Variants in LPP observed in about 807,000 individuals in gnomAD.
LPP encodes the protein lipoma-preferred partner.
Under a neutral mutation model 60.4 loss-of-function variants are expected in LPP, and 38 were observed. That is an observed-to-expected ratio of 0.63 (90% CI 0.49 to 0.83). The LOEUF (loss-of-function observed/expected upper bound fraction) is 0.83, where lower values mean the gene tolerates loss of function less well. LPP is among the 40% of genes least tolerant of loss of function. The probability of loss-of-function intolerance (pLI) is 0.00; values close to 1 mark genes in which losing one functional copy is unlikely to be tolerated. For synonymous variants in LPP, 328 were observed against 290.8 expected, an observed-to-expected ratio of 1.13 and a Z score of -1.30; for missense variants, 902 against 783.6, an observed-to-expected ratio of 1.15 and a Z score of -1.80.
In LPP at chr3:188,397,811, A is replaced by G. The variant is rs146792868; in HGVS notation, c.-9-8301A>G. On this transcript the variant is annotated intron_variant, in intron 3 of 11. Transcript: ENST00000617246. Reference sequence around the variant, plus strand: ...GTATTTGTAGTTGAGAAGGGGTTTCAACATGTTGGCCATGCTGATCTTGAA... The same window carrying G: ...GTATTTGTAGTTGAGAAGGGGTTTCGACATGTTGGCCATGCTGATCTTGAA... Among the ~76,000 whole-genome samples the G allele has an allele frequency of 1.0e-3, 152 of 152,052 alleles. 2 individuals are homozygous for G. The highest frequency in any genetic ancestry group is 1.0e-2 in the South Asian group (48 of 4,806).
chr3:188,787,875 G>A (rs1365769630), intron 9 of LPP, among the ~76,000 whole-genome samples: 1 of 152,176 alleles, frequency 6.6e-6, no homozygotes, highest in Non-Finnish European at 1.5e-5. Context: ...TCTGCAGCTG[G>A]ATCTCTCTGT....
chr3:188,595,013 A>G (rs1839715630), intron 6 of LPP, among the ~76,000 whole-genome samples: 1 of 152,210 alleles, frequency 6.6e-6, no homozygotes, highest in African/African-American at 2.4e-5. Context: ...ATTTATAAAG[A>G]TAAATTATGA....
intron 3 of LPP, among the ~76,000 whole-genome samples, chr3:188,353,570 T>C (rs1275174761): frequency 1.3e-5 from 2 of 152,228 alleles, no homozygotes; most frequent in African/African-American, 4.8e-5. Flanking sequence ...AGATCTTTTG[T>C]CTCCAAATAT....
At chr3:188,731,462 C>T (rs1359108777) in intron 8 of LPP, among the ~76,000 whole-genome samples, 1 of 145,868 alleles carries the variant, frequency 6.9e-6, no homozygotes, top group Non-Finnish European at 1.6e-5. Flanking sequence ...AGAAGCTGAG[C>T]TATAATTTTC....
At chr3:188,305,886 T>C (rs374181322) in intron 2 of LPP, among the ~76,000 whole-genome samples, 30 of 152,130 alleles carry the variant, frequency 2.0e-4, no homozygotes, top group African/African-American at 6.8e-4. Flanking sequence ...TGTTGTTGTC[T>C]TCAATAGTTT....
intron 7 of LPP, among the ~76,000 whole-genome samples, chr3:188,624,512 G>A (rs76108380): frequency 0.012 from 1,867 of 152,252 alleles, 44 homozygotes; most frequent in African/African-American, 0.042. Context: ...CCAAGTGAGT[G>A]AGCCTAGTCC....
At chr3:188,337,610 A>G (rs1232828602) in intron 2 of LPP, among the ~76,000 whole-genome samples, 2 of 152,172 alleles carry the variant, frequency 1.3e-5, no homozygotes, top group Non-Finnish European at 2.9e-5. Context: ...TCTCTGATGC[A>G]GTCTGGTACA....
intron 7 of LPP, among the ~76,000 whole-genome samples, chr3:188,705,446 C>T (rs991402661): frequency 8.5e-5 from 13 of 152,204 alleles, no homozygotes; most frequent in Admixed American, 3.3e-4. Context: ...GACCAACCTT[C>T]GTCATTTAAT....
intron 7 of LPP, among the ~76,000 whole-genome samples, chr3:188,686,319 TAAAG>T (rs1028225685): frequency 4.6e-5 from 7 of 152,114 alleles, no homozygotes; most frequent in Admixed American, 4.6e-4. Flanking sequence ...GCAATGGCAA[TAAAG>T]AGAGGGCACA....
chr3:188,869,852 GC>G (rs144615156), intron 10 of LPP, among the ~76,000 whole-genome samples: 342 of 152,276 alleles, frequency 2.2e-3, no homozygotes, highest in African/African-American at 7.7e-3. Context: ...TACTGGACAT[GC>G]AATCTTTCAC....
intron 9 of LPP, among the ~76,000 whole-genome samples, chr3:188,818,713 G>A (rs953667526): frequency 6.6e-6 from 1 of 152,030 alleles, no homozygotes; most frequent in Non-Finnish European, 1.5e-5. Context: ...TGTAGCCTTG[G>A]GCAAATTGCT....
chr3:188,488,226 C>T (rs560087695), intron 5 of LPP, among the ~76,000 whole-genome samples: 71 of 152,144 alleles, frequency 4.7e-4, no homozygotes, highest in African/African-American at 1.4e-3. Flanking sequence ...GAGGGTTACA[C>T]GTTTTTATTT....
At chr3:188,402,464 G>C (rs757685719) in intron 3 of LPP, among the ~76,000 whole-genome samples, 1 of 152,106 alleles carries the variant, frequency 6.6e-6, no homozygotes, top group African/African-American at 2.4e-5. Flanking sequence ...ATGTATCAGT[G>C]GTTGCTAAAG....
In LPP at chr3:188,884,758, C is replaced by T. The variant is rs1192826037; in HGVS notation, c.*10279C>T. Reference sequence around the variant, plus strand: ...TACGTTCCACAGAGGCAGAAACCGCCGTAGGTTAGCAATGCATTTTAGTCT... The same window carrying T: ...TACGTTCCACAGAGGCAGAAACCGCTGTAGGTTAGCAATGCATTTTAGTCT... On this transcript the variant is annotated 3_prime_UTR_variant, in exon 12 of 12. Transcript: ENST00000617246. The T allele has an allele frequency of 2.2e-5, 5 of 225,672 alleles. No homozygotes were observed. The highest frequency in any genetic ancestry group is 3.7e-4 in the South Asian group (2 of 5,472). The allele number at this position is 225,672 out of a possible 1,614,324, so 14.0% of individuals were successfully genotyped here.
chr3:188,337,451 TC>T (rs1178722035), intron 2 of LPP, among the ~76,000 whole-genome samples: 2 of 152,132 alleles, frequency 1.3e-5, no homozygotes, highest in Non-Finnish European at 2.9e-5. Context: ...CTTGCTGGGA[TC>T]CTTTTGTGTA....
chr3:188,327,102 G>A (rs975152619), intron 2 of LPP, among the ~76,000 whole-genome samples: 1 of 152,158 alleles, frequency 6.6e-6, no homozygotes, highest in Non-Finnish European at 1.5e-5. Flanking sequence ...TAAAGTTTAG[G>A]AATTAATGTA....
chr3:188,391,709 T>TA (rs1321654689), intron 3 of LPP, among the ~76,000 whole-genome samples: 1 of 152,040 alleles, frequency 6.6e-6, no homozygotes. Context: ...AGTTCAGTGA[T>TA]ACATCACAAA....
At chr3:188,584,330 G>A (rs1173546806) in intron 6 of LPP, 1 of 152,094 alleles carries the variant, frequency 6.6e-6, no homozygotes, top group Non-Finnish European at 1.5e-5. Context: ...GTGAGCTGCA[G>A]GAAAAGTAAT....
At chr3:188,781,698 A>G (rs1174748217) in intron 9 of LPP, among the ~76,000 whole-genome samples, 2 of 151,560 alleles carry the variant, frequency 1.3e-5, no homozygotes, top group Non-Finnish European at 2.9e-5. Context: ...CCTGGCTAAC[A>G]CGGTGAAACC....
Sources: allele counts gnomAD v4.1 joint callset (sites outside exome capture counted in the v4.1 genomes callset), GRCh38; gene constraint gnomAD v4.1.1; transcripts MANE v1.5; gene names NCBI Gene and HGNC (gene_info 2026-07-23, HGNC 2026-07-21).